Variants in SPATA6 observed in about 807,000 individuals in gnomAD.
SPATA6 encodes spermatogenesis associated 6.
In SPATA6, 56 loss-of-function variants were observed where a neutral mutation model predicts 65.3. The ratio of observed to expected loss-of-function variants is 0.86; its 90% CI spans 0.69 to 1.07. The LOEUF (loss-of-function observed/expected upper bound fraction) is 1.07, where lower values mean the gene tolerates loss of function less well. Among genes scored for constraint, SPATA6 ranks in the 50% least tolerant of loss-of-function variants. The probability of loss-of-function intolerance (pLI) is 0.00; values close to 1 mark genes in which losing one functional copy is unlikely to be tolerated. For missense variants in SPATA6, 590 were observed against 594.8 expected, an observed-to-expected ratio of 0.99 and a Z score of 0.08; for synonymous variants, 199 against 213.2, an observed-to-expected ratio of 0.93 and a Z score of 0.58.
intron 6 of SPATA6, among the ~76,000 whole-genome samples, chr1:48,400,086 A>ATG (rs1651018574): frequency 1.3e-5 from 2 of 151,980 alleles, no homozygotes; most frequent in African/African-American, 4.8e-5. Flanking sequence ...TTTAAAGATA[A>ATG]AACTATAAAA....
At chr1:48,283,791 G>T in the SPATA6 span, among the ~76,000 whole-genome samples, 3 of 151,972 alleles carry the variant, frequency 2.0e-5, no homozygotes, top group African/African-American at 7.3e-5. Flanking sequence ...TTTCTGCAGA[G>T]AATTCTACTG....
intron 3 of SPATA6, among the ~76,000 whole-genome samples, chr1:48,450,818 A>T (rs1656496275): frequency 6.6e-6 from 1 of 152,178 alleles, no homozygotes; most frequent in Admixed American, 6.5e-5. Context: ...TGGGGCCAGC[A>T]GGGGAGGCCA....
At position 48,305,824 on chromosome 1, in the gene SPATA6, A is replaced by G. The variant is rs754693303; in HGVS notation, c.1249T>C (p.Cys417Arg). The change falls in exon 12 of 13, where the codon TGT becomes CGT. Residue 417 changes from cysteine (C) to arginine (R), a missense_variant. Physicochemically the swap from Cys to Arg is radical, Grantham distance 180 (BLOSUM62 -3). Coordinates refer to ENST00000371847, the MANE Select transcript of SPATA6 (RefSeq NM_019073.4). ...TCACTGTCATAGGCAGAGTCTCTAC[A>G]TAAAAGACTTCTTTTCAGTTCCAGT... Reference protein sequence around the residue: ...DELELKRSLLCRDSAYDSDPE... With the variant: ...DELELKRSLLRRDSAYDSDPE... 161 of 1,612,366 alleles carry G rather than the reference A, an allele frequency of 1.0e-4. No homozygotes were observed. Among genetic ancestry groups the G allele is most frequent in the Non-Finnish European group, 1.3e-4 (159 of 1,178,990 alleles).
intron 9 of SPATA6, among the ~76,000 whole-genome samples, chr1:48,362,059 A>T (rs545130352): frequency 5.1e-4 from 78 of 152,298 alleles, no homozygotes; most frequent in Middle Eastern, 3.4e-3. Context: ...ACTTAAAAAC[A>T]AGATCAAGGA....
At chr1:48,460,201 A>G (rs1390070748) in intron 1 of SPATA6, among the ~76,000 whole-genome samples, 1 of 152,044 alleles carries the variant, frequency 6.6e-6, no homozygotes, top group Non-Finnish European at 1.5e-5. Flanking sequence ...CCTAGGCTCA[A>G]GTGATCCTCC....
intron 12 of SPATA6, among the ~76,000 whole-genome samples, chr1:48,302,769 G>C (rs999399514): frequency 3.3e-5 from 5 of 152,040 alleles, no homozygotes; most frequent in African/African-American, 1.2e-4. Context: ...TACCCAACCA[G>C]GAATAAGTAG....
chr1:48,446,199 G>T (rs1449503761), intron 3 of SPATA6, among the ~76,000 whole-genome samples: 3 of 152,190 alleles, frequency 2.0e-5, no homozygotes, highest in Non-Finnish European at 4.4e-5. Flanking sequence ...CCAGTGTTGA[G>T]ATCAGACCTT....
At chr1:48,339,277 A>C (rs377286579) in intron 11 of SPATA6, among the ~76,000 whole-genome samples, 8 of 152,112 alleles carry the variant, frequency 5.3e-5, no homozygotes, top group African/African-American at 1.9e-4. Context: ...ATCAATATAC[A>C]CTGACCCTGG....
chr1:48,290,986 A>C (rs1644763281), downstream of SPATA6, among the ~76,000 whole-genome samples: 1 of 152,200 alleles, frequency 6.6e-6, no homozygotes, highest in Non-Finnish European at 1.5e-5. Flanking sequence ...TCAGCTCTGC[A>C]CCAAGCAGAC....
chr1:48,320,857 TAA>T (rs1403442691), intron 11 of SPATA6, among the ~76,000 whole-genome samples: 4 of 152,120 alleles, frequency 2.6e-5, no homozygotes, highest in Non-Finnish European at 5.9e-5. Context: ...AACAAAAAGT[TAA>T]AAAGAGGGGA....
chr1:48,284,953 C>T, the SPATA6 span, among the ~76,000 whole-genome samples: 11 of 152,144 alleles, frequency 7.2e-5, no homozygotes, highest in Non-Finnish European at 1.0e-4. Flanking sequence ...AGAGCTCGAG[C>T]GCTGTGCTGA....
the SPATA6 span, among the ~76,000 whole-genome samples, chr1:48,279,184 T>TGC: frequency 6.6e-6 from 1 of 151,058 alleles, no homozygotes; most frequent in Non-Finnish European, 1.5e-5. Context: ...GAAGGAAGCA[T>TGC]TAAACATGGA....
At chr1:48,406,839 C>T (rs1651758457) in intron 5 of SPATA6, among the ~76,000 whole-genome samples, 1 of 152,168 alleles carries the variant, frequency 6.6e-6, no homozygotes, top group South Asian at 2.1e-4. Context: ...AAAGGTTACT[C>T]AGTTCATCCA....
chr1:48,283,765 C>T, the SPATA6 span, among the ~76,000 whole-genome samples: 3 of 148,592 alleles, frequency 2.0e-5, no homozygotes, highest in Non-Finnish European at 4.5e-5. Flanking sequence ...TCCCCACTCT[C>T]TTCTGGCATT....
chr1:48,399,267 A>C, intron 7 of SPATA6, 84 bp downstream of exon 7: 3 of 1,416,806 alleles, frequency 2.1e-6, no homozygotes, highest in East Asian at 2.3e-5. Context: ...TATAAGCTAG[A>C]AGTTGAAAGA....
chr1:48,302,931 A>G (rs1169238397), intron 12 of SPATA6, among the ~76,000 whole-genome samples: 3 of 151,710 alleles, frequency 2.0e-5, no homozygotes, highest in Non-Finnish European at 2.9e-5. Context: ...ACAAACCATT[A>G]TTGTTTCTGT....
intron 11 of SPATA6, among the ~76,000 whole-genome samples, chr1:48,326,629 A>G (rs556052884): frequency 1.2e-4 from 18 of 152,298 alleles, no homozygotes; most frequent in Non-Finnish European, 2.2e-4. Flanking sequence ...ACAAAACTAT[A>G]GTAACTAAAA....
At chr1:48,348,236 G>T (rs779955789) in intron 11 of SPATA6, among the ~76,000 whole-genome samples, 1 of 151,912 alleles carries the variant, frequency 6.6e-6, no homozygotes, top group South Asian at 2.1e-4. Flanking sequence ...ACTCACCCAA[G>T]GGGACAGAAA....
chr1:48,333,566 C>G (rs893374498), intron 11 of SPATA6, among the ~76,000 whole-genome samples: 4 of 152,088 alleles, frequency 2.6e-5, no homozygotes, highest in African/African-American at 9.7e-5. Flanking sequence ...CTGACTAATA[C>G]AGTCAGGAAT....
Sources: allele counts gnomAD v4.1 joint callset (sites outside exome capture counted in the v4.1 genomes callset), GRCh38; gene constraint gnomAD v4.1.1; transcripts MANE v1.5; gene names NCBI Gene and HGNC (gene_info 2026-07-23, HGNC 2026-07-21).